The following USP15 variants were observed in gnomAD, a reference collection of about 807,000 sequenced individuals.
USP15 encodes the protein ubiquitin specific peptidase 15, also known as ubiquitin carboxyl-terminal hydrolase 15.
A neutral mutation model predicts 127.1 loss-of-function variants in USP15; 18 were observed. That is an observed-to-expected ratio of 0.14 (90% CI 0.10 to 0.21). USP15 has a LOEUF of 0.21. USP15 is among the 10% of genes least tolerant of loss of function. The pLI, the probability that USP15 is intolerant of heterozygous loss-of-function variation, is 1.00. For missense variants in USP15, 805 were observed against 1,159.9 expected (o/e 0.69, Z 4.44); for synonymous variants, 364 against 393.7 (o/e 0.92, Z 0.89).
At chr12:62,344,299 G>T (rs776321864) in intron 6 of USP15, among the ~76,000 whole-genome samples, 2 of 152,158 alleles carry the variant, frequency 1.3e-5, no homozygotes, top group Non-Finnish European at 2.9e-5. Context: ...AAAACAAAGG[G>T]TCTATAGGCC....
intron 7 of USP15, among the ~76,000 whole-genome samples, chr12:62,353,911 G>A (rs192775479): frequency 2.3e-3 from 343 of 152,112 alleles, no homozygotes; most frequent in Non-Finnish European, 4.2e-3. Context: ...TATAAGTCTA[G>A]CAATTCCGAA....
intron 8 of USP15, among the ~76,000 whole-genome samples, chr12:62,357,262 C>G (rs917522098): frequency 1.3e-5 from 2 of 151,992 alleles, no homozygotes; most frequent in African/African-American, 4.8e-5. Flanking sequence ...TTTGATACAT[C>G]TGTTTAGTAT....
At chr12:62,286,552 A>T (rs189953537) in intron 1 of USP15, among the ~76,000 whole-genome samples, 116 of 152,324 alleles carry the variant, frequency 7.6e-4, no homozygotes, top group African/African-American at 2.5e-3. Flanking sequence ...CCAAAAAGAC[A>T]CTTACACTCA....
At chr12:62,393,319 CAA>C in intron 19 of USP15, 117 bp downstream of exon 19, 1 of 1,267,066 alleles carries the variant, frequency 7.9e-7, no homozygotes, top group Middle Eastern at 2.7e-4. Flanking sequence ...TTTCAGCTTT[CAA>C]GTTTGTTTTT....
chr12:62,285,415 A>G (rs750545241), intron 1 of USP15, among the ~76,000 whole-genome samples: 21 of 152,124 alleles, frequency 1.4e-4, no homozygotes, highest in Non-Finnish European at 3.1e-4. Flanking sequence ...GCTGCAAAAA[A>G]CATGGCTTCC....
rs189920405 is a variant in USP15 at position 62,323,065 on chromosome 12, T to C, written c.621+1456T>C. On this transcript the variant is annotated intron_variant, in intron 5 of 21. Coordinates refer to ENST00000280377, the MANE Select transcript of USP15 (RefSeq NM_001252078.2). Reference sequence around the variant, plus strand: ...GATTATTCATCCTTCAGGTTCTAGCTCAACTGTCACATCATCTATTCAGCC... The same window carrying C: ...GATTATTCATCCTTCAGGTTCTAGCCCAACTGTCACATCATCTATTCAGCC... Among the ~76,000 whole-genome samples the C allele has an allele frequency of 4.7e-4, 71 of 152,318 alleles. 1 individual carries two copies. Among genetic ancestry groups the C allele is most frequent in the Non-Finnish European group, 7.4e-4 (50 of 68,016 alleles).
chr12:62,355,825 CT>C (rs201572809), intron 8 of USP15, among the ~76,000 whole-genome samples: 2,220 of 124,388 alleles, frequency 0.018, 26 homozygotes, highest in African/African-American at 0.057. Context: ...CTTTTTTTTT[CT>C]TTTTTTTTTT....
chr12:62,394,396 A>G (rs1304359340), intron 19 of USP15, among the ~76,000 whole-genome samples: 3 of 152,248 alleles, frequency 2.0e-5, no homozygotes, highest in Non-Finnish European at 2.9e-5. Flanking sequence ...AGATTACATA[A>G]AACAAAATAT....
Position 62,416,181 on chromosome 12 carries a change from A to T in USP15, c.*11806A>T, listed in dbSNP as rs1484112593. On this transcript the variant is annotated 3_prime_UTR_variant, in exon 22 of 22. Coordinates refer to ENST00000280377, the MANE Select transcript of USP15 (RefSeq NM_001252078.2). ...GTCTGCCTTATCTCTTACCTGGCGA[A>T]CTCCTACACTCCTTCAAGACTTGCT... is the stretch of plus-strand genomic sequence containing the variant. 2 of 152,016 alleles carry T rather than the reference A, an allele frequency of 1.3e-5. No homozygotes were observed. The highest frequency in any genetic ancestry group is 2.9e-5 in the Non-Finnish European group (2 of 68,016). 9.4% of individuals were successfully genotyped at this position (152,016 alleles called of 1,614,324 possible). A position where few individuals can be genotyped will look rare whatever the true frequency, so the allele number is the denominator to read the frequency against.
At chr12:62,351,155 G>A (rs11174438) in intron 7 of USP15, among the ~76,000 whole-genome samples, 49,622 of 151,384 alleles carry the variant, frequency 0.33, 8,577 homozygotes, top group African/African-American at 0.45. Context: ...TCTTATTTCA[G>A]TAATTCATAA....
At chr12:62,305,211 G>C (rs1040914608) in intron 3 of USP15, among the ~76,000 whole-genome samples, 10 of 152,044 alleles carry the variant, frequency 6.6e-5, no homozygotes, top group African/African-American at 2.4e-4. Flanking sequence ...TTAAAGAAAT[G>C]CTATGAATCC....
intron 8 of USP15, among the ~76,000 whole-genome samples, chr12:62,369,610 A>G (rs896902132): frequency 6.6e-6 from 1 of 152,294 alleles, no homozygotes. Context: ...CCTCAATTAT[A>G]TACCGGATTT....
At chr12:62,345,675 A>G (rs754825147) in intron 6 of USP15, among the ~76,000 whole-genome samples, 5 of 152,172 alleles carry the variant, frequency 3.3e-5, no homozygotes, top group Non-Finnish European at 7.3e-5. Flanking sequence ...CTGCTGATAA[A>G]GACATACTTG....
intron 21 of USP15, among the ~76,000 whole-genome samples, chr12:62,403,964 C>G (rs911723990): frequency 6.6e-6 from 1 of 151,946 alleles, no homozygotes; most frequent in Non-Finnish European, 1.5e-5. Context: ...GCATTTATTT[C>G]TTTGTCCAAA....
At chr12:62,355,139 G>A (rs2066080383) in intron 7 of USP15, 192 bp from the exon 8 acceptor site, 1 of 468,972 alleles carries the variant, frequency 2.1e-6, no homozygotes, top group East Asian at 3.4e-5. Context: ...TTGTTGATTG[G>A]ATAAGGAGTA....
intron 1 of USP15, among the ~76,000 whole-genome samples, chr12:62,276,879 A>C (rs954047080): frequency 1.3e-5 from 2 of 152,148 alleles, no homozygotes; most frequent in African/African-American, 4.8e-5. Context: ...ATGAATAAAA[A>C]CTGTGCCTTT....
Position 62,321,488 on chromosome 12 carries a change from A to G in USP15, c.500A>G (p.Lys167Arg). 1 of 1,591,916 alleles carries G rather than the reference A, an allele frequency of 6.3e-7. No individual in the cohort carries two copies. Among genetic ancestry groups the G allele is most frequent in the Non-Finnish European group, 8.6e-7 (1 of 1,167,574 alleles). Residue 167 changes from lysine to arginine, a missense_variant, in exon 5 of 22, where the codon AAA (lysine) becomes AGA (arginine). Lys to Arg is a conservative substitution (Grantham distance 26). Around this residue, in one of 11 missense-constraint regions of USP15, gnomAD observed 57 missense variants for 47.3 expected, o/e 1.20. Coordinates refer to ENST00000280377, the MANE Select transcript of USP15 (RefSeq NM_001252078.2). ...TIDTIEKEIR[K>R]IFSIPDEKET... ...GATACAATTGAAAAGGAAATAAGAA[A>G]AATCTTCAGTATTCCAGATGAAAAG...
intron 6 of USP15, chr12:62,335,371 A>C: frequency 7.0e-7 from 1 of 1,427,636 alleles, no homozygotes; most frequent in African/African-American, 1.4e-5. Context: ...ATGCGTTATC[A>C]CTCAACAGTA....
intron 20 of USP15, among the ~76,000 whole-genome samples, chr12:62,397,841 G>A (rs147131904): frequency 0.01 from 1,553 of 148,990 alleles, 30 homozygotes; most frequent in African/African-American, 0.037. Flanking sequence ...TGGCAACAGA[G>A]CAAGACTCTG....
Sources: gnomAD v4.1 joint callset for allele counts (sites outside exome capture counted in the v4.1 genomes callset) on GRCh38, gnomAD v4.1.1 for gene constraint, gnomAD v4.1.1 regional missense constraint, MANE v1.5 for transcripts, NCBI Gene and HGNC (gene_info 2026-07-23, HGNC 2026-07-21) for gene names.